Variants in LMBRD1 observed in about 807,000 individuals in gnomAD.
LMBRD1 encodes LMBR1 domain containing 1.
LMBRD1 carries 64 observed loss-of-function variants against 74.8 expected under a neutral mutation model. The ratio of observed to expected loss-of-function variants is 0.86; its 90% confidence interval spans 0.70 to 1.05. The LOEUF is 1.05. Ranked by LOEUF, LMBRD1 falls within the 50% of genes least tolerant of loss-of-function variation. LMBRD1 has a pLI of 0.00. For missense variants in LMBRD1, 652 were observed against 645.9 expected, an observed-to-expected ratio of 1.01 and a Z score of -0.10; for synonymous variants, 204 against 216.3, an observed-to-expected ratio of 0.94 and a Z score of 0.50.
At chr6:69,688,043 A>G (rs946913628) in intron 14 of LMBRD1, among the ~76,000 whole-genome samples, 1 of 152,120 alleles carries the variant, frequency 6.6e-6, no homozygotes, top group African/African-American at 2.4e-5. Context: ...ATCTAGCACC[A>G]TTTCATTTTG....
chr6:69,782,107 A>G (rs1367657300), intron 2 of LMBRD1, among the ~76,000 whole-genome samples: 1 of 152,242 alleles, frequency 6.6e-6, no homozygotes, highest in Non-Finnish European at 1.5e-5. Flanking sequence ...ACACAGTAAG[A>G]TAGTCTACCA....
At chr6:69,728,198 A>G (rs1246926746) in intron 7 of LMBRD1, among the ~76,000 whole-genome samples, 17 of 152,096 alleles carry the variant, frequency 1.1e-4, no homozygotes, top group Admixed American at 1.1e-3. Flanking sequence ...GGTGCTACAG[A>G]TTTTTAAACA....
intron 14 of LMBRD1, among the ~76,000 whole-genome samples, chr6:69,690,788 C>T (rs1001857123): frequency 6.6e-6 from 1 of 151,906 alleles, no homozygotes; most frequent in African/African-American, 2.4e-5. Flanking sequence ...GAAAAAAATT[C>T]CAAACCAAAA....
At chr6:69,732,181 C>A (rs1766873074) in intron 7 of LMBRD1, among the ~76,000 whole-genome samples, 2 of 152,244 alleles carry the variant, frequency 1.3e-5, no homozygotes, top group Middle Eastern at 3.4e-3. Context: ...GTAACATGAA[C>A]TGAATGTTTG....
chr6:69,723,757 A>C (rs950270925), intron 7 of LMBRD1, among the ~76,000 whole-genome samples: 11 of 152,030 alleles, frequency 7.2e-5, no homozygotes, highest in Non-Finnish European at 1.6e-4. Context: ...ACGCATTTTA[A>C]AGAAATGAAA....
rs1183346325 is a variant in LMBRD1, at chr6:69,700,755, A to G, written c.1188+10T>C. On this transcript the variant is annotated intron_variant, in intron 12 of 15. Coordinates refer to ENST00000649934, the MANE Select transcript of LMBRD1 (RefSeq NM_018368.4). ...GATGAGAAAAAAATAATACTGTAAT[A>G]TATACTTACTCTAATCCAAAAGAAC... 6.8e-7 allele frequency: 1 copy of G among 1,471,956 alleles called. No homozygotes were observed. The highest frequency in any genetic ancestry group is 2.4e-5 in the East Asian group (1 of 40,884). 91.2% of individuals were successfully genotyped at this position (1,471,956 alleles called of 1,614,324 possible). A position where few individuals can be genotyped will look rare whatever the true frequency, so the allele number is the denominator to read the frequency against.
At chr6:69,795,786 TTTA>T (rs1288784628) in intron 1 of LMBRD1, among the ~76,000 whole-genome samples, 1 of 152,238 alleles carries the variant, frequency 6.6e-6, no homozygotes, top group Admixed American at 6.5e-5. Context: ...ATTCTTTTCT[TTTA>T]TTTTCTTTTT....
intron 3 of LMBRD1, among the ~76,000 whole-genome samples, chr6:69,757,300 ATG>A: frequency 6.6e-6 from 1 of 152,342 alleles, no homozygotes; most frequent in East Asian, 1.9e-4. Flanking sequence ...GACTTAAAAG[ATG>A]TATGGCAACC....
rs867596248 is a variant in LMBRD1 at position 69,680,484 on chromosome 6, C to T, written c.1418-3943G>A. ...CATTCTTCTCCAGACATCTAATAAT[C>T]CACTTAGTGACATTTTAAATTGGCT... On this transcript the variant is annotated intron_variant, in intron 14 of 15. Transcript: ENST00000649934. 4.6e-5 allele frequency among the ~76,000 whole-genome samples: 7 copies of T among 152,204 alleles called. No homozygotes were observed. The South Asian group carries it at 1.5e-3, about 32-fold the overall frequency.
chr6:69,791,422 C>A (rs921915006), intron 1 of LMBRD1, among the ~76,000 whole-genome samples: 1 of 152,206 alleles, frequency 6.6e-6, no homozygotes, highest in Non-Finnish European at 1.5e-5. Flanking sequence ...ACCTGGGTAA[C>A]TTTTAAGTAC....
At position 69,699,100 on chromosome 6, in the gene LMBRD1, C is replaced by G; in HGVS notation, c.1281G>C (p.Met427Ile). The G allele has an allele frequency of 1.2e-6, 2 of 1,609,716 alleles. No individual in the cohort carries two copies. Among genetic ancestry groups the G allele is most frequent in the Non-Finnish European group, 1.7e-6 (2 of 1,176,472 alleles). Residue 427 changes from methionine to isoleucine, a missense_variant, in exon 13 of 16, where the codon ATG (methionine) becomes ATC (isoleucine). By Grantham distance (10) the Met-to-Ile change is conservative. This residue lies in a region of LMBRD1 where 598 missense variants were observed against 581.8 expected (regional missense o/e 1.03). Transcript: ENST00000649934. ...CATATTGGGGAGCAAGACTATAAATCATGTAGCTAGTGTGAAGGACAATAA... is the reference window on the plus strand; with the variant it reads ...CATATTGGGGAGCAAGACTATAAATGATGTAGCTAGTGTGAAGGACAATAA... ...LLLIVLHTSY[M>I]IYSLAPQYVM...
Position 69,715,303 on chromosome 6 carries a change from G to GA in LMBRD1, c.763-1507dup, listed in dbSNP as rs532144923. Among the ~76,000 whole-genome samples, 32 of 149,850 alleles carry GA rather than the reference G, an allele frequency of 2.1e-4. No individual in the cohort carries two copies. In the East Asian group the frequency reaches 2.5e-3, roughly 12 times the overall value. On this transcript the variant is annotated intron_variant, in intron 8 of 15. Transcript: ENST00000649934. ...CTCAATGCTGGCGTTCACTATTTTAGAAAAAAAAATAGTAAACTGATTAAA... is the reference window on the plus strand; with the variant it reads ...CTCAATGCTGGCGTTCACTATTTTAGAAAAAAAAAATAGTAAACTGATTAAA...
chr6:69,691,135 C>T lies in LMBRD1; in HGVS notation c.1417+6428G>A, dbSNP rs1421220375. 3.9e-5 allele frequency among the ~76,000 whole-genome samples: 4 copies of T among 103,558 alleles called. No individual in the cohort carries two copies. The Admixed American group carries it at 4.0e-4, about 10-fold the overall frequency. The allele number at this position is 103,558 out of a possible 152,430, so 67.9% of individuals were successfully genotyped here. On this transcript the variant is annotated intron_variant, in intron 14 of 15. Transcript: ENST00000649934. Reference sequence around the variant, plus strand: ...TTCCATTATATTTAAAAAGCAGCAACGGCCTCTCTCTCTCTTTTTTTTTTT... The same window carrying T: ...TTCCATTATATTTAAAAAGCAGCAATGGCCTCTCTCTCTCTTTTTTTTTTT...
chr6:69,712,200 A>G (rs1264757866), intron 9 of LMBRD1, among the ~76,000 whole-genome samples: 1 of 152,200 alleles, frequency 6.6e-6, no homozygotes, highest in Non-Finnish European at 1.5e-5. Context: ...TACAATGAGC[A>G]TATTTGGAAG....
intron 1 of LMBRD1, among the ~76,000 whole-genome samples, chr6:69,792,727 T>C (rs6920725): frequency 0.48 from 73,079 of 152,052 alleles, 18,247 homozygotes; most frequent in African/African-American, 0.61. Context: ...GAAAGCTGAG[T>C]CTCATCTTTA....
chr6:69,755,844 G>T (rs1252004355), intron 3 of LMBRD1, among the ~76,000 whole-genome samples: 3 of 152,148 alleles, frequency 2.0e-5, no homozygotes, highest in Non-Finnish European at 4.4e-5. Flanking sequence ...ATGCCACTGT[G>T]TCTGTTACTT....
At chr6:69,772,979 G>C (rs771520518) in intron 3 of LMBRD1, among the ~76,000 whole-genome samples, 1 of 152,072 alleles carries the variant, frequency 6.6e-6, no homozygotes, top group Non-Finnish European at 1.5e-5. Flanking sequence ...CTAACCTTAC[G>C]AAGTAGGTAC....
chr6:69,696,800 A>G (rs1562087809), intron 14 of LMBRD1, among the ~76,000 whole-genome samples: 1 of 152,206 alleles, frequency 6.6e-6, no homozygotes, highest in Non-Finnish European at 1.5e-5. Flanking sequence ...TGCTATAAAA[A>G]AACTCAGAAT....
chr6:69,682,977 G>A (rs1465278549), intron 14 of LMBRD1, among the ~76,000 whole-genome samples: 1 of 151,956 alleles, frequency 6.6e-6, no homozygotes, highest in Non-Finnish European at 1.5e-5. Context: ...TCTGTGAGTA[G>A]CTGAGAAGTT....
Sources: allele counts gnomAD v4.1 joint callset (sites outside exome capture counted in the v4.1 genomes callset), GRCh38; gene constraint gnomAD v4.1.1; regional missense constraint gnomAD v4.1.1; transcripts MANE v1.5; gene names NCBI Gene and HGNC (gene_info 2026-07-23, HGNC 2026-07-21).